The following PIWIL3 variants were observed in gnomAD, a reference collection of about 807,000 sequenced individuals.
PIWIL3 encodes the protein piwi like RNA-mediated gene silencing 3.
A neutral mutation model predicts 109.7 loss-of-function variants in PIWIL3; 101 were observed. The observed-to-expected ratio is 0.92, with a 90% CI of 0.78 to 1.09. The LOEUF (loss-of-function observed/expected upper bound fraction) is 1.09, where lower values mean the gene tolerates loss of function less well. Among genes scored for constraint, PIWIL3 ranks in the 50% least tolerant of loss-of-function variants. PIWIL3 has a pLI of 0.00. For synonymous variants in PIWIL3, 373 were observed against 376.4 expected, an observed-to-expected ratio of 0.99 and a Z score of 0.10; for missense variants, 1,031 against 1,072.6, an observed-to-expected ratio of 0.96 and a Z score of 0.54.
intron 1 of PIWIL3, among the ~76,000 whole-genome samples, chr22:24,772,497 T>C (rs900912547): frequency 7.2e-5 from 11 of 152,178 alleles, no homozygotes; most frequent in Non-Finnish European, 1.2e-4. Context: ...AAAACTTATG[T>C]CACAGGGGCC....
rs1231220542 is a variant in PIWIL3, at chr22:24,759,875, A to G, written c.217T>C (p.Ser73Pro). ...CCTTCTTGCTTCCTTTCACCTTGAG[A>G]CTGTGCTCCTCCTCCTGCTCCTCCT... ...ARGGAGGGAQ[S>P]QGVKEPGPEA... The change falls in exon 3 of 21, where the codon TCT (serine) becomes CCT (proline). Residue 73 changes from serine to proline, a missense_variant. Ser to Pro is a moderately conservative substitution (Grantham distance 74). Transcript: ENST00000616349. 1.2e-6 allele frequency: 2 copies of G among 1,613,856 alleles called. No homozygotes were observed. The highest frequency in any genetic ancestry group is 8.5e-7 in the Non-Finnish European group (1 of 1,179,918).
Position 24,744,178 on chromosome 22 carries a change from T to TAA in PIWIL3, c.1449+4727_1449+4728dup, listed in dbSNP as rs1188611412. Among the ~76,000 whole-genome samples, 60 of 34,296 alleles carry TAA rather than the reference T, an allele frequency of 1.7e-3. 5 individuals carry two copies. The highest frequency in any genetic ancestry group is 0.022 in the Middle Eastern group (1 of 46). 22.5% of individuals were successfully genotyped at this position (34,296 alleles called of 152,430 possible). A position where few individuals can be genotyped will look rare whatever the true frequency, so the allele number is the denominator to read the frequency against. On this transcript the variant is annotated intron_variant, in intron 12 of 20. Transcript: ENST00000616349. ...ACTCTAATTGAAAGAGTGACCGAAT[T>TAA]AAAAAAAAAAAAAAAAAAAAAAAAA...
At position 24,719,847 on chromosome 22, in the gene PIWIL3, G is replaced by A. The variant is rs142279392; in HGVS notation, c.2406C>T (p.Thr802=). 6.5e-5 allele frequency: 104 copies of A among 1,611,244 alleles called. No homozygotes were observed. In the African/African-American group the frequency reaches 1.3e-3, roughly 20 times the overall value. Residue 802 remains threonine (T), a synonymous_variant, in exon 20 of 21, where the codon ACC becomes ACT. Transcript: ENST00000616349. The part of the protein sequence containing the change: ...VSQSVQDGTV[T]PTHYNVIYDT... ...CATAGATGACGTTATAATGAGTGGG[G>A]GTAACAGTCCCATCTTGCACAGACT...
Position 24,755,706 on chromosome 22 carries a change from G to A in PIWIL3, c.692+78C>T, listed in dbSNP as rs1409076388. On this transcript the variant is annotated intron_variant, in intron 6 of 20. Coordinates refer to ENST00000616349, the MANE Select transcript of PIWIL3 (RefSeq NM_001255975.1). The stretch of plus-strand genomic sequence containing the variant: ...CTAGGAAGAACACTAAGTGCTAGAA[G>A]CAAATGGCTGTATTCCACACCACTA... The A allele has an allele frequency of 3.2e-6, 5 of 1,557,040 alleles. No individual in the cohort carries two copies. In the South Asian group the frequency reaches 4.5e-5, roughly 14 times the overall value.
intron 12 of PIWIL3, among the ~76,000 whole-genome samples, chr22:24,739,570 C>A (rs1052519968): frequency 6.6e-6 from 1 of 151,850 alleles, no homozygotes; most frequent in Non-Finnish European, 1.5e-5. Context: ...AAAAAATTAC[C>A]CCAGAATAAT....
At chr22:24,737,936 G>A (rs1923762682) in intron 12 of PIWIL3, among the ~76,000 whole-genome samples, 1 of 152,126 alleles carries the variant, frequency 6.6e-6, no homozygotes, top group African/African-American at 2.4e-5. Flanking sequence ...CAAGGCAGGT[G>A]GATCACTTGA....
intron 14 of PIWIL3, among the ~76,000 whole-genome samples, chr22:24,733,483 G>A (rs1569099262): frequency 6.6e-6 from 1 of 152,102 alleles, no homozygotes; most frequent in African/African-American, 2.4e-5. Flanking sequence ...TGGAGGTCAG[G>A]AGTTCGAGAC....
chr22:24,719,658 T>A (rs941187094), intron 20 of PIWIL3, 70 bp from the exon 21 acceptor site: 2 of 1,529,926 alleles, frequency 1.3e-6, no homozygotes, highest in Admixed American at 4.0e-5. Flanking sequence ...AAATTTAAAT[T>A]CATAGAAGCC....
intron 18 of PIWIL3, among the ~76,000 whole-genome samples, chr22:24,723,507 C>A (rs1161948971): frequency 6.6e-6 from 1 of 152,178 alleles, no homozygotes; most frequent in Admixed American, 6.5e-5. Context: ...TTCCTACAAT[C>A]CCTGCTGAGC....
chr22:24,757,199 T>TTA (rs1205637482), intron 4 of PIWIL3, among the ~76,000 whole-genome samples: 3 of 152,118 alleles, frequency 2.0e-5, no homozygotes, highest in African/African-American at 7.2e-5. Context: ...CAATGAGCCC[T>TTA]TATGCAAGCA....
chr22:24,723,513 T>C (rs1042411406), intron 18 of PIWIL3, among the ~76,000 whole-genome samples: 1 of 152,220 alleles, frequency 6.6e-6, no homozygotes, highest in Non-Finnish European at 1.5e-5. Flanking sequence ...CAATCCCTGC[T>C]GAGCAGCGGG....
At chr22:24,729,088 G>A (rs1021087737) in intron 14 of PIWIL3, among the ~76,000 whole-genome samples, 1 of 152,112 alleles carries the variant, frequency 6.6e-6, no homozygotes, top group African/African-American at 2.4e-5. Context: ...TACACAGTGC[G>A]GACTCCATGG....
At chr22:24,755,733 A>C (rs751088906) in intron 6 of PIWIL3, 51 bp downstream of exon 6, 5 of 1,608,414 alleles carry the variant, frequency 3.1e-6, no homozygotes, top group Non-Finnish European at 3.4e-6. Context: ...ACACCACTAC[A>C]CAGTAAAACA....
At chr22:24,753,108 T>G (rs760857045) in intron 8 of PIWIL3, among the ~76,000 whole-genome samples, 2 of 152,250 alleles carry the variant, frequency 1.3e-5, no homozygotes, top group African/African-American at 2.4e-5. Context: ...CCAGTTGTGT[T>G]TTCACAATTT....
intron 1 of PIWIL3, among the ~76,000 whole-genome samples, chr22:24,767,904 C>T (rs972304556): frequency 1.3e-5 from 2 of 152,218 alleles, no homozygotes. Context: ...TCCCCAGAGC[C>T]AACCTCCTTT....
At position 24,760,780 on chromosome 22, in the gene PIWIL3, C is replaced by CAAAAAAAAAAAAA. The variant is rs61469163; in HGVS notation, c.103-804_103-792dup. Reference sequence around the variant, plus strand: ...GGGCAACAAGAGCGAAACTCTGTCTCAAAAAAAAAAAAAAAAAAAAAAAGC... The same window carrying CAAAAAAAAAAAAA: ...GGGCAACAAGAGCGAAACTCTGTCTCAAAAAAAAAAAAAAAAAAAAAAAAAAAAAAAAAAAAGC... On this transcript the variant is annotated intron_variant, in intron 2 of 20. Transcript: ENST00000616349. Among the ~76,000 whole-genome samples, 53 of 41,028 alleles carry CAAAAAAAAAAAAA rather than the reference C, an allele frequency of 1.3e-3. 8 individuals are homozygous for CAAAAAAAAAAAAA. The highest frequency in any genetic ancestry group is 4.5e-3 in the South Asian group (4 of 898). The allele number at this position is 41,028 out of a possible 152,430, so 26.9% of individuals were successfully genotyped here.
chr22:24,749,501 T>A lies in PIWIL3; in HGVS notation c.1237A>T (p.Lys413Ter), dbSNP rs150679977. Residue 413 changes from lysine to a stop codon, truncating the protein, a stop_gained, in exon 11 of 21, where the codon AAA (lysine) becomes TAA (stop). Coordinates refer to ENST00000616349, the MANE Select transcript of PIWIL3 (RefSeq NM_001255975.1). LOFTEE classifies it high-confidence loss of function. ...AATTCTTTCACAATGCTATAATCTTTACATATTTCATCTGTTAGACCTTTA... is the reference window on the plus strand; with the variant it reads ...AATTCTTTCACAATGCTATAATCTTAACATATTTCATCTGTTAGACCTTTA... ...HMTGLTDEIC[K>*]DYSIVKELAK... is the part of the protein sequence containing the mutation. 2.2e-5 allele frequency: 36 copies of A among 1,613,546 alleles called. No homozygotes were observed. The East Asian group carries it at 7.4e-4, about 33-fold the overall frequency.
In PIWIL3 at chr22:24,762,438, T is replaced by C; in HGVS notation, c.62A>G (p.Gln21Arg). ...TGCTCTGGGTCCCCCAGGTGCCTCT[T>C]GTTGGTAGCTCTCCCTGCGGCGGGC... ...GRARRRESYQQEAPGGPRAPG... is the reference protein window; with the variant it reads ...GRARRRESYQREAPGGPRAPG... Residue 21 changes from glutamine to arginine, a missense_variant, in exon 2 of 21, where the codon CAA becomes CGA. By Grantham distance (43) the Gln-to-Arg change is conservative (BLOSUM62 1). Transcript: ENST00000616349. 6.2e-7 allele frequency: 1 copy of C among 1,614,068 alleles called. No homozygotes were observed. Among genetic ancestry groups the C allele is most frequent in the Non-Finnish European group, 8.5e-7 (1 of 1,179,980 alleles).
At chr22:24,767,775 C>G (rs1925884143) in intron 1 of PIWIL3, among the ~76,000 whole-genome samples, 1 of 152,026 alleles carries the variant, frequency 6.6e-6, no homozygotes, top group South Asian at 2.1e-4. Flanking sequence ...GAACACTAAG[C>G]AAGATAAATA....
Sources: gnomAD v4.1 joint callset for allele counts (sites outside exome capture counted in the v4.1 genomes callset) on GRCh38, gnomAD v4.1.1 for gene constraint, MANE v1.5 for transcripts, NCBI Gene and HGNC (gene_info 2026-07-23, HGNC 2026-07-21) for gene names.